Variants in LRRC4C observed in about 807,000 individuals in gnomAD.
LRRC4C encodes leucine-rich repeat-containing protein 4C.
In LRRC4C, 5 loss-of-function variants were observed where a neutral mutation model predicts 33.6. That is an observed-to-expected ratio of 0.15 (90% CI 0.08 to 0.31). The LOEUF is 0.31. Among genes scored for constraint, LRRC4C ranks in the 10% least tolerant of loss-of-function variants. The pLI is 1.00. For synonymous variants in LRRC4C, 329 were observed against 302.0 expected (o/e 1.09, Z -0.93); for missense variants, 560 against 796.7 (o/e 0.70, Z 3.58).
At chr11:40,586,042 C>T (rs780920497) in intron 3 of LRRC4C, among the ~76,000 whole-genome samples, 2 of 121,056 alleles carry the variant, frequency 1.7e-5, no homozygotes, top group African/African-American at 6.2e-5. Context: ...CTTGAGGAAT[C>T]GCCACAACTG....
chr11:40,830,734 T>C (rs1272169683), intron 2 of LRRC4C, among the ~76,000 whole-genome samples: 3 of 152,200 alleles, frequency 2.0e-5, no homozygotes, highest in South Asian at 2.1e-4. Flanking sequence ...TCTTCGTTTG[T>C]AGGTTGGTCA....
At chr11:40,322,980 C>A (rs571785628) in intron 3 of LRRC4C, among the ~76,000 whole-genome samples, 3 of 152,114 alleles carry the variant, frequency 2.0e-5, no homozygotes, top group Non-Finnish European at 2.9e-5. Context: ...ACGAAAGAGA[C>A]TAAAGTAACC....
At chr11:40,652,969 T>C (rs1393462681) in intron 2 of LRRC4C, among the ~76,000 whole-genome samples, 1 of 152,140 alleles carries the variant, frequency 6.6e-6, no homozygotes, top group Non-Finnish European at 1.5e-5. Flanking sequence ...CTCATGAGAT[T>C]TGATGGTTTT....
chr11:40,948,135 CA>C (rs1698239467), intron 1 of LRRC4C, among the ~76,000 whole-genome samples: 1 of 151,986 alleles, frequency 6.6e-6, no homozygotes, highest in South Asian at 2.1e-4. Flanking sequence ...ATGACTCCCC[CA>C]TATAAGTCAC....
chr11:40,445,893 T>C (rs1951613310), intron 3 of LRRC4C: 1 of 152,266 alleles, frequency 6.6e-6, no homozygotes, highest in Admixed American at 6.6e-5. Flanking sequence ...AACAGGAGGT[T>C]TTCCCACACT....
intron 5 of LRRC4C, among the ~76,000 whole-genome samples, chr11:40,169,915 T>C (rs952643410): frequency 6.6e-6 from 1 of 152,196 alleles, no homozygotes; most frequent in African/African-American, 2.4e-5. Flanking sequence ...TGGGAAGTTT[T>C]CAATTGGTCT....
At chr11:40,557,549 G>T (rs983776331) in intron 3 of LRRC4C, among the ~76,000 whole-genome samples, 1 of 152,074 alleles carries the variant, frequency 6.6e-6, no homozygotes, top group Admixed American at 6.6e-5. Flanking sequence ...AGGTTACATT[G>T]TTATTACACT....
chr11:41,382,495 T>C (rs1452438727), intron 1 of LRRC4C, among the ~76,000 whole-genome samples: 3 of 152,098 alleles, frequency 2.0e-5, no homozygotes, highest in Admixed American at 1.3e-4. Context: ...GCTACAATTA[T>C]ATAAGCTAAA....
intron 2 of LRRC4C, among the ~76,000 whole-genome samples, chr11:40,893,820 C>CAA (rs1269665797): frequency 1.2e-3 from 3 of 2,450 alleles, no homozygotes; most frequent in Non-Finnish European, 2.1e-3. Context: ...CGTATTATAA[C>CAA]ACACACACAC....
At position 40,954,237 on chromosome 11, in the gene LRRC4C, A is replaced by C. The variant is rs577687783; in HGVS notation, c.-495-20514T>G. Among the ~76,000 whole-genome samples, 3 of 152,074 alleles carry C rather than the reference A, an allele frequency of 2.0e-5. No homozygotes were observed. The South Asian group carries it at 6.2e-4, about 31-fold the overall frequency. ...GTAAACTCTCCATCTTTATAACACA[A>C]GAAACAAGTGAGGGGTTGATTTATA... On this transcript the variant is annotated intron_variant, in intron 1 of 6. Transcript: ENST00000528697.
chr11:40,710,780 G>A lies in LRRC4C; in HGVS notation c.-406-62502C>T, dbSNP rs143018576. On this transcript the variant is annotated intron_variant, in intron 2 of 6. Transcript: ENST00000528697. The stretch of plus-strand genomic sequence containing the variant: ...TCTGTAGAAGTTTCTGCTGCCTTTT[G>A]TTCAGCTATACCCTGCCCCCAGAGG... Among the ~76,000 whole-genome samples, 1,064 of 152,282 alleles carry A rather than the reference G, an allele frequency of 7.0e-3. 20 individuals are homozygous for A. Among genetic ancestry groups the A allele is most frequent in the African/African-American group, 0.025 (1,032 of 41,568 alleles).
chr11:40,441,062 T>C (rs79701249), intron 3 of LRRC4C, among the ~76,000 whole-genome samples: 1,754 of 152,228 alleles, frequency 0.012, 32 homozygotes, highest in African/African-American at 0.04. Flanking sequence ...CTTCTGAAGA[T>C]TGTTGGGGAA....
At chr11:40,476,486 C>T (rs576273802) in intron 3 of LRRC4C, among the ~76,000 whole-genome samples, 29 of 151,532 alleles carry the variant, frequency 1.9e-4, no homozygotes, top group African/African-American at 3.9e-4. Flanking sequence ...GCTGGGACTA[C>T]GGGCACATGC....
intron 3 of LRRC4C, among the ~76,000 whole-genome samples, chr11:40,331,585 C>T (rs1413424910): frequency 1.3e-5 from 2 of 152,180 alleles, no homozygotes; most frequent in East Asian, 3.8e-4. Context: ...AATTAGTAGA[C>T]TGAGCAAAGA....
intron 4 of LRRC4C, among the ~76,000 whole-genome samples, chr11:40,283,812 C>T (rs1337771506): frequency 1.4e-5 from 2 of 147,948 alleles, no homozygotes; most frequent in Admixed American, 6.9e-5. Context: ...TCAAGAGATT[C>T]TCCTGCCTCA....
chr11:40,369,207 T>C (rs996643904), intron 3 of LRRC4C, among the ~76,000 whole-genome samples: 5 of 152,156 alleles, frequency 3.3e-5, no homozygotes, highest in African/African-American at 4.8e-5. Flanking sequence ...GAGAATTATA[T>C]GAGATAGGGG....
At chr11:40,656,636 T>C (rs1943132062) in intron 2 of LRRC4C, among the ~76,000 whole-genome samples, 1 of 152,220 alleles carries the variant, frequency 6.6e-6, no homozygotes, top group African/African-American at 2.4e-5. Flanking sequence ...CTTCTGTTCC[T>C]TTCCAAGGCA....
chr11:40,472,123 A>G (rs1190272851), intron 3 of LRRC4C, among the ~76,000 whole-genome samples: 1 of 133,074 alleles, frequency 7.5e-6, no homozygotes, highest in African/African-American at 2.5e-5. Flanking sequence ...TAAAAAAAAT[A>G]CAAAAAATTA....
chr11:41,375,079 ATGGTACCAC>A (rs1475849377), intron 1 of LRRC4C, among the ~76,000 whole-genome samples: 1 of 152,156 alleles, frequency 6.6e-6, no homozygotes, highest in Non-Finnish European at 1.5e-5. Flanking sequence ...ATGAGCTGTG[ATGGTACCAC>A]TGCACTCCAG....
Sources: allele counts gnomAD v4.1 joint callset (sites outside exome capture counted in the v4.1 genomes callset), GRCh38; gene constraint gnomAD v4.1.1; transcripts MANE v1.5; gene names NCBI Gene and HGNC (gene_info 2026-07-23, HGNC 2026-07-21).